SPRY3: variants seen among roughly 807,000 people sequenced by gnomAD.
SPRY3 encodes the protein protein sprouty homolog 3.
A neutral mutation model predicts 20.2 loss-of-function variants in SPRY3; 15 were observed. The observed-to-expected ratio is 0.74, with a 90% CI of 0.50 to 1.14. The LOEUF (loss-of-function observed/expected upper bound fraction) is 1.14, where lower values mean the gene tolerates loss of function less well. Ranked by LOEUF, SPRY3 falls within the 50% of genes most tolerant of loss-of-function variation. The pLI is 0.00. For synonymous variants in SPRY3, 143 were observed against 136.5 expected (o/e 1.05, Z -0.33); for missense variants, 364 against 363.9 (o/e 1.00, Z 0.00).
chrX:155,768,719 C>A (rs1344060761), intron 3 of SPRY3, among the ~76,000 whole-genome samples: 1 of 152,150 alleles, frequency 6.6e-6, no homozygotes, highest in Non-Finnish European at 1.5e-5. Flanking sequence ...GGTACGTGTG[C>A]ACATGTCTCT....
At chrX:155,673,784 C>T (rs1215083958) in intron 2 of SPRY3, among the ~76,000 whole-genome samples, 1 of 112,161 alleles carries the variant, frequency 8.9e-6, no homozygotes, top group Non-Finnish European at 1.9e-5. Flanking sequence ...TCAGGATACA[C>T]TTAAGAGAGG....
intron 2 of SPRY3, among the ~76,000 whole-genome samples, chrX:155,730,452 T>C (rs2091125574): frequency 6.6e-6 from 1 of 152,178 alleles, no homozygotes; most frequent in African/African-American, 2.4e-5. Flanking sequence ...ATCATTTCAA[T>C]AGATGCTGAA....
At chrX:155,633,949 CA>C (rs1381454201) in intron 1 of SPRY3, among the ~76,000 whole-genome samples, 2 of 111,257 alleles carry the variant, frequency 1.8e-5, no homozygotes, top group Non-Finnish European at 3.8e-5. Flanking sequence ...GGCGTGGTGG[CA>C]TGCGCCCGTA....
intron 1 of SPRY3, among the ~76,000 whole-genome samples, chrX:155,614,805 T>G (rs181168856): frequency 9.9e-4 from 110 of 111,088 alleles, no homozygotes; most frequent in African/African-American, 3.5e-3. Flanking sequence ...TGGCACAGAG[T>G]GGAACTTCTT....
intron 1 of SPRY3, among the ~76,000 whole-genome samples, chrX:155,640,928 T>A (rs1557351348): frequency 8.9e-6 from 1 of 111,896 alleles, no homozygotes; most frequent in Non-Finnish European, 1.9e-5. Flanking sequence ...TTCTTTCTCT[T>A]GTCTGATTGC....
chrX:155,722,261 G>A (rs1189657013), intron 2 of SPRY3, among the ~76,000 whole-genome samples: 4 of 152,088 alleles, frequency 2.6e-5, no homozygotes, highest in Non-Finnish European at 4.4e-5. Flanking sequence ...AGTGGCTCAC[G>A]CCTGTAATCT....
intron 2 of SPRY3, among the ~76,000 whole-genome samples, chrX:155,683,785 A>C (rs1431236879): frequency 8.9e-6 from 1 of 112,169 alleles, no homozygotes; most frequent in East Asian, 2.8e-4. Context: ...CAAATGGATG[A>C]GATGATTCAG....
At chrX:155,762,583 A>G (rs1390304087) in intron 2 of SPRY3, among the ~76,000 whole-genome samples, 1 of 152,150 alleles carries the variant, frequency 6.6e-6, no homozygotes, top group Non-Finnish European at 1.5e-5. Flanking sequence ...AGCATTTGTG[A>G]TGTCATCTCA....
intron 2 of SPRY3, among the ~76,000 whole-genome samples, chrX:155,759,489 G>A (rs2091295939): frequency 6.6e-6 from 1 of 151,314 alleles, no homozygotes. Flanking sequence ...TTGAAAACAG[G>A]GATTCATTTA....
rs28535456 is a variant in SPRY3 at position 155,767,040 on chromosome X, C to G, written c.-281-922C>G. Among the ~76,000 whole-genome samples, 905 of 152,156 alleles carry G rather than the reference C, an allele frequency of 5.9e-3. 8 individuals carry two copies. Among genetic ancestry groups the G allele is most frequent in the African/African-American group, 0.02 (839 of 41,478 alleles). On this transcript the variant is annotated intron_variant, in intron 2 of 3. Coordinates refer to ENST00000675360, the Ensembl canonical transcript of SPRY3. ...GATTGGCAAAGATATTTAAATGAGA[C>G]CTCCTTAAAATTGTTACTCTCCACC...
chrX:155,761,304 C>A (rs1200176949), intron 2 of SPRY3, among the ~76,000 whole-genome samples: 1 of 152,150 alleles, frequency 6.6e-6, no homozygotes, highest in African/African-American at 2.4e-5. Context: ...CTAACATCTG[C>A]TTACTCCTTC....
chrX:155,762,432 T>C (rs1316299570), intron 2 of SPRY3, among the ~76,000 whole-genome samples: 1 of 151,428 alleles, frequency 6.6e-6, no homozygotes, highest in Non-Finnish European at 1.5e-5. Flanking sequence ...AGACAATGAA[T>C]TATATTGTAG....
chrX:155,740,035 C>T (rs909874294), intron 2 of SPRY3, among the ~76,000 whole-genome samples: 3 of 151,972 alleles, frequency 2.0e-5, no homozygotes, highest in African/African-American at 4.8e-5. Flanking sequence ...TCAGGGACTC[C>T]GAACAGAGGG....
chrX:155,744,157 T>A (rs1379159822), intron 2 of SPRY3, among the ~76,000 whole-genome samples: 1 of 152,040 alleles, frequency 6.6e-6, no homozygotes, highest in Admixed American at 6.6e-5. Context: ...TGGGTGGATG[T>A]TTGGGAAAAC....
chrX:155,738,628 CCCCA>C lies in SPRY3; in HGVS notation c.-281-29330_-281-29327del, dbSNP rs751208059. On this transcript the variant is annotated intron_variant, in intron 2 of 3. Transcript: ENST00000675360. ...CAGAAGTGGTACAGAGCCAGGACAG[CCCCA>C]CCCCCAGCCAAGGGAGTTGGTGAGT... Among the ~76,000 whole-genome samples the C allele has an allele frequency of 1.6e-3, 241 of 152,158 alleles. 1 individual carries two copies. Among genetic ancestry groups the C allele is most frequent in the African/African-American group, 5.6e-3 (233 of 41,504 alleles).
At chrX:155,706,265 A>T (rs901959706) in intron 2 of SPRY3, among the ~76,000 whole-genome samples, 3 of 151,284 alleles carry the variant, frequency 2.0e-5, no homozygotes, top group Admixed American at 6.6e-5. Flanking sequence ...TAAGTCACCC[A>T]ATGATCAGAG....
At chrX:155,761,568 A>C (rs1253864515) in intron 2 of SPRY3, among the ~76,000 whole-genome samples, 7 of 152,158 alleles carry the variant, frequency 4.6e-5, no homozygotes, top group Admixed American at 6.5e-5. Flanking sequence ...TTATATACCC[A>C]ATAGTGGGAT....
At chrX:155,644,371 G>A (rs782535496) in intron 1 of SPRY3, among the ~76,000 whole-genome samples, 6 of 109,014 alleles carry the variant, frequency 5.5e-5, no homozygotes, top group Non-Finnish European at 9.5e-5. Context: ...CAAGACCCTG[G>A]GGCTCCACAA....
chrX:155,762,594 A>AGC (rs2091308792), intron 2 of SPRY3, among the ~76,000 whole-genome samples: 2 of 152,152 alleles, frequency 1.3e-5, no homozygotes, highest in Non-Finnish European at 2.9e-5. Context: ...TGTCATCTCA[A>AGC]ATAAAAGAGA....
Sources: gnomAD v4.1 joint callset for allele counts (sites outside exome capture counted in the v4.1 genomes callset) on GRCh38, gnomAD v4.1.1 for gene constraint, MANE v1.5 for transcripts, NCBI Gene and HGNC (gene_info 2026-07-23, HGNC 2026-07-21) for gene names.